ROBO2: variants seen among roughly 807,000 people sequenced by gnomAD.
ROBO2 encodes the protein roundabout guidance receptor 2.
In ROBO2, 53 loss-of-function variants were observed where a neutral mutation model predicts 160.8. That is an observed-to-expected ratio of 0.33 (90% CI 0.26 to 0.41). ROBO2 has a LOEUF of 0.41. Ranked by LOEUF, ROBO2 falls within the 10% of genes least tolerant of loss-of-function variation. The pLI is 1.00. For synonymous variants in ROBO2, 664 were observed against 611.7 expected (o/e 1.09, Z -1.26); for missense variants, 1,577 against 1,722.4 (o/e 0.92, Z 1.49).
chr3:77,403,712 ATC>A (rs2076024706), intron 2 of ROBO2, among the ~76,000 whole-genome samples: 3 of 151,710 alleles, frequency 2.0e-5, no homozygotes, highest in Admixed American at 2.0e-4. Flanking sequence ...GAGTGCAGAT[ATC>A]TCTTTGGTAT....
rs563602981 is a variant in ROBO2, at chr3:76,214,134, C to T, written c.109+276532C>T. Among the ~76,000 whole-genome samples the T allele has an allele frequency of 4.8e-4, 73 of 152,232 alleles. No homozygotes were observed. In the Middle Eastern group the frequency reaches 0.01, roughly 21 times the overall value. On this transcript the variant is annotated intron_variant, in intron 2 of 26. Transcript: ENST00000487694. Reference sequence around the variant, plus strand: ...ACCCCTTGTCAATTTGGCACCCATACGCATCTCCTTAAACTATACTTGCTC... The same window carrying T: ...ACCCCTTGTCAATTTGGCACCCATATGCATCTCCTTAAACTATACTTGCTC...
chr3:76,304,741 T>C (rs4054004), intron 2 of ROBO2, among the ~76,000 whole-genome samples: 6 of 73,296 alleles, frequency 8.2e-5, no homozygotes, highest in Non-Finnish European at 1.4e-4. Context: ...TCTTTTCTTT[T>C]CTTTCCTTCT....
chr3:76,811,038 A>G (rs1211787872), intron 2 of ROBO2, among the ~76,000 whole-genome samples: 1 of 152,184 alleles, frequency 6.6e-6, no homozygotes, highest in Non-Finnish European at 1.5e-5. Context: ...GGACTTCATG[A>G]TGAGGTGGAC....
intron 2 of ROBO2, among the ~76,000 whole-genome samples, chr3:77,432,318 T>C (rs1226836900): frequency 6.6e-6 from 1 of 152,222 alleles, no homozygotes; most frequent in African/African-American, 2.4e-5. Context: ...GTATGGGTAA[T>C]ACAGGATACC....
At chr3:76,637,053 C>A (rs2090380457) in intron 2 of ROBO2, among the ~76,000 whole-genome samples, 1 of 151,938 alleles carries the variant, frequency 6.6e-6, no homozygotes, top group African/African-American at 2.4e-5. Flanking sequence ...AGATAAGATG[C>A]CTTCACAAGA....
intron 2 of ROBO2, among the ~76,000 whole-genome samples, chr3:76,441,441 G>T (rs2076922802): frequency 6.6e-6 from 1 of 152,162 alleles, no homozygotes; most frequent in Admixed American, 6.6e-5. Flanking sequence ...ATATTTGGAA[G>T]AAGGGAAAAG....
chr3:76,345,637 A>G (rs887962980), intron 2 of ROBO2, among the ~76,000 whole-genome samples: 6 of 151,718 alleles, frequency 4.0e-5, no homozygotes, highest in Non-Finnish European at 8.8e-5. Flanking sequence ...GAGCCTTCCT[A>G]GTTTTGTAGG....
intron 2 of ROBO2, among the ~76,000 whole-genome samples, chr3:76,813,256 C>T (rs1169736306): frequency 2.0e-5 from 3 of 152,002 alleles, no homozygotes; most frequent in Non-Finnish European, 4.4e-5. Context: ...GAAACTTTAA[C>T]CTTCATTGAT....
At chr3:76,516,731 T>G (rs887127045) in intron 2 of ROBO2, among the ~76,000 whole-genome samples, 5 of 152,154 alleles carry the variant, frequency 3.3e-5, no homozygotes, top group African/African-American at 1.2e-4. Flanking sequence ...GAGAAGGAAC[T>G]AAGATCAAAT....
chr3:76,127,597 A>AAAAAATATATATATATAT (rs879328622), intron 2 of ROBO2, among the ~76,000 whole-genome samples: 2 of 118,336 alleles, frequency 1.7e-5, no homozygotes, highest in African/African-American at 6.3e-5. Context: ...GGTTTGAAAA[A>AAAAAATATATATATATAT]ATATATATAT....
At chr3:76,272,925 T>A (rs1178283936) in intron 2 of ROBO2, among the ~76,000 whole-genome samples, 4 of 19,650 alleles carry the variant, frequency 2.0e-4, no homozygotes, top group Non-Finnish European at 5.2e-4. Context: ...AAAATATATA[T>A]ATTTATATAT....
At chr3:77,359,792 C>T (rs997645788) in intron 2 of ROBO2, among the ~76,000 whole-genome samples, 2 of 151,998 alleles carry the variant, frequency 1.3e-5, no homozygotes, top group African/African-American at 4.8e-5. Context: ...GATCCTCTCA[C>T]CTCAGCCTCC....
chr3:76,759,703 GT>G (rs2061192254), intron 2 of ROBO2, among the ~76,000 whole-genome samples: 1 of 148,966 alleles, frequency 6.7e-6, no homozygotes, highest in Non-Finnish European at 1.5e-5. Context: ...ATATCAGGGG[GT>G]ATTAGAAAGT....
At chr3:76,996,849 C>T (rs2149398513) in intron 2 of ROBO2, among the ~76,000 whole-genome samples, 1 of 152,224 alleles carries the variant, frequency 6.6e-6, no homozygotes, top group Non-Finnish European at 1.5e-5. Context: ...TCTGATGTTA[C>T]TGCATGATTA....
chr3:76,328,378 A>G (rs1403652608), intron 2 of ROBO2, among the ~76,000 whole-genome samples: 1 of 152,252 alleles, frequency 6.6e-6, no homozygotes, highest in East Asian at 1.9e-4. Context: ...GTTAGGTACT[A>G]GCAAAGGTTT....
intron 2 of ROBO2, among the ~76,000 whole-genome samples, chr3:76,927,280 C>A (rs1329176100): frequency 6.6e-6 from 1 of 152,058 alleles, no homozygotes; most frequent in Non-Finnish European, 1.5e-5. Flanking sequence ...ACCCCCACCA[C>A]CAGAAAAAAA....
At chr3:76,030,291 A>G (rs541400413) in intron 2 of ROBO2, among the ~76,000 whole-genome samples, 13 of 150,172 alleles carry the variant, frequency 8.7e-5, no homozygotes, top group Admixed American at 2.6e-4. Flanking sequence ...TGTAGATTGC[A>G]AAAATTTTCT....
chr3:76,387,157 T>C (rs6789362), intron 2 of ROBO2, among the ~76,000 whole-genome samples: 107,756 of 151,966 alleles, frequency 0.71, 38,595 homozygotes, highest in African/African-American at 0.82. Flanking sequence ...AGAAAGGTTT[T>C]CTAGTTCCCT....
Position 77,558,132 on chromosome 3 carries a change from C to T in ROBO2, c.1420C>T (p.Gln474Ter). 6.2e-7 allele frequency: 1 copy of T among 1,612,790 alleles called. No individual in the cohort carries two copies. The highest frequency in any genetic ancestry group is 8.5e-7 in the Non-Finnish European group (1 of 1,179,044). Residue 474 changes from glutamine (Q) to a stop codon, truncating the protein, a stop_gained, in exon 9 of 26, where the codon CAG (glutamine) becomes TAG (stop). Transcript: ENST00000461745. LOFTEE classifies it high-confidence loss of function. ...AACAATTCAAGAGCAAGGCACACTG[C>T]AGATTAAGAATTTACGGGTAAGTAA...
Sources: allele counts gnomAD v4.1 joint callset (sites outside exome capture counted in the v4.1 genomes callset), GRCh38; gene constraint gnomAD v4.1.1; transcripts MANE v1.5; gene names NCBI Gene and HGNC (gene_info 2026-07-23, HGNC 2026-07-21).